NPAS3: variants seen among roughly 807,000 people sequenced by gnomAD.
The protein encoded by NPAS3 is neuronal PAS domain protein 3, also known as neuronal PAS domain-containing protein 3.
In NPAS3, 14 loss-of-function variants were observed where a neutral mutation model predicts 73.1. The ratio of observed to expected loss-of-function variants is 0.19; its 90% CI spans 0.13 to 0.30. The LOEUF is 0.30. Among genes scored for constraint, NPAS3 ranks in the 10% least tolerant of loss-of-function variants. The pLI, the probability that NPAS3 is intolerant of heterozygous loss-of-function variation, is 1.00. For synonymous variants in NPAS3, 620 were observed against 541.5 expected, an observed-to-expected ratio of 1.14 and a Z score of -2.01; for missense variants, 1,096 against 1,250.0, an observed-to-expected ratio of 0.88 and a Z score of 1.86.
chr14:33,404,460 G>C (rs1407775327), intron 4 of NPAS3, among the ~76,000 whole-genome samples: 1 of 151,910 alleles, frequency 6.6e-6, no homozygotes, highest in African/African-American at 2.4e-5. Context: ...TCTGTAATGG[G>C]TACTTCATTT....
At chr14:33,212,213 C>T (rs2047065747) in intron 2 of NPAS3, among the ~76,000 whole-genome samples, 1 of 152,180 alleles carries the variant, frequency 6.6e-6, no homozygotes, top group Non-Finnish European at 1.5e-5. Flanking sequence ...ATCTCAACAA[C>T]CTTTATAATC....
intron 4 of NPAS3, among the ~76,000 whole-genome samples, chr14:33,384,996 C>T (rs1057294562): frequency 3.9e-5 from 6 of 152,090 alleles, no homozygotes; most frequent in Non-Finnish European, 8.8e-5. Context: ...AGAAGGTTTT[C>T]GCTTTAGGAA....
At chr14:33,582,221 T>G (rs2139886023) in intron 5 of NPAS3, 1 of 152,362 alleles carries the variant, frequency 6.6e-6, no homozygotes, top group African/African-American at 2.4e-5. Flanking sequence ...TCTCATACCC[T>G]TAACGGAACT....
At chr14:33,043,234 CAAAAT>C (rs984215757) in intron 1 of NPAS3, among the ~76,000 whole-genome samples, 2 of 152,044 alleles carry the variant, frequency 1.3e-5, no homozygotes, top group Admixed American at 1.3e-4. Flanking sequence ...AGTCAAACCT[CAAAAT>C]AAAACATTGT....
At chr14:33,663,638 C>T (rs2059371611) in intron 5 of NPAS3, among the ~76,000 whole-genome samples, 1 of 152,000 alleles carries the variant, frequency 6.6e-6, no homozygotes, top group Non-Finnish European at 1.5e-5. Flanking sequence ...CCTCTTTGTA[C>T]CTCTGGTAGA....
intron 3 of NPAS3, among the ~76,000 whole-genome samples, chr14:33,366,022 A>T (rs549113026): frequency 6.6e-6 from 1 of 152,354 alleles, no homozygotes; most frequent in South Asian, 2.1e-4. Context: ...AAAAGCAGGA[A>T]GATATGGGGA....
intron 6 of NPAS3, among the ~76,000 whole-genome samples, chr14:33,695,968 A>C (rs559721614): frequency 6.6e-6 from 1 of 152,304 alleles, no homozygotes; most frequent in South Asian, 2.1e-4. Flanking sequence ...TATTGTTGAG[A>C]AATTGACTGT....
intron 1 of NPAS3, among the ~76,000 whole-genome samples, chr14:32,980,490 A>G (rs2037851741): frequency 6.6e-6 from 1 of 152,234 alleles, no homozygotes; most frequent in Non-Finnish European, 1.5e-5. Flanking sequence ...GTTTCATATT[A>G]ATCAAAATAA....
chr14:33,351,291 T>G (rs1334845763), intron 3 of NPAS3, among the ~76,000 whole-genome samples: 1 of 152,074 alleles, frequency 6.6e-6, no homozygotes, highest in Non-Finnish European at 1.5e-5. Flanking sequence ...GCTGCCCAGA[T>G]GGGGTCGACG....
intron 5 of NPAS3, among the ~76,000 whole-genome samples, chr14:33,636,947 G>A (rs1330183237): frequency 6.7e-6 from 1 of 148,196 alleles, no homozygotes; most frequent in Non-Finnish European, 1.5e-5. Context: ...CAGGTTTAAA[G>A]ATTAACAGAA....
At chr14:33,434,601 T>C (rs2139186837) in intron 4 of NPAS3, among the ~76,000 whole-genome samples, 1 of 152,234 alleles carries the variant, frequency 6.6e-6, no homozygotes, top group African/African-American at 2.4e-5. Context: ...GTCAAGTCAC[T>C]CCTCATTTGT....
chr14:33,340,352 G>A (rs778017503), intron 3 of NPAS3, among the ~76,000 whole-genome samples: 8 of 152,188 alleles, frequency 5.3e-5, no homozygotes, highest in East Asian at 1.9e-4. Flanking sequence ...AAAATTAGCC[G>A]GGTGTGGTGG....
At chr14:33,456,054 G>A (rs901669330) in intron 4 of NPAS3, among the ~76,000 whole-genome samples, 2 of 152,162 alleles carry the variant, frequency 1.3e-5, no homozygotes, top group African/African-American at 4.8e-5. Flanking sequence ...ATGTATTGAT[G>A]ATCCCATTTC....
At chr14:33,245,775 C>T (rs557758096) in intron 3 of NPAS3, among the ~76,000 whole-genome samples, 1 of 152,264 alleles carries the variant, frequency 6.6e-6, no homozygotes, top group Non-Finnish European at 1.5e-5. Context: ...GTCTGTCAAA[C>T]ATTTCCTGAC....
At position 33,385,774 on chromosome 14, in the gene NPAS3, A is replaced by G. The variant is rs2046750652; in HGVS notation, c.468+18506A>G. ...CTGGAGTTGCACATATGGGTCCTGC[A>G]TCTGCTCGGGTTATGTCACTAGTCA... On this transcript the variant is annotated intron_variant, in intron 4 of 11. Coordinates refer to ENST00000356141, the Ensembl canonical transcript of NPAS3. Among the ~76,000 whole-genome samples, 3 of 152,304 alleles carry G rather than the reference A, an allele frequency of 2.0e-5. No individual in the cohort carries two copies. The South Asian group carries it at 6.2e-4, about 32-fold the overall frequency.
At chr14:32,936,930 CTTT>C (rs35877969), upstream of NPAS3, among the ~76,000 whole-genome samples, 16 of 139,774 alleles carry the variant, frequency 1.1e-4, no homozygotes, top group African/African-American at 2.7e-4. Context: ...AAGACTAAGG[CTTT>C]TTTTTTTTTT....
chr14:33,674,604 G>A (rs920196776), intron 5 of NPAS3, among the ~76,000 whole-genome samples: 6 of 152,134 alleles, frequency 3.9e-5, no homozygotes, highest in African/African-American at 1.4e-4. Flanking sequence ...TGTGAATCCC[G>A]ATTTACGCTC....
chr14:32,974,550 AT>A (rs926925479), intron 1 of NPAS3, among the ~76,000 whole-genome samples: 9 of 151,408 alleles, frequency 5.9e-5, no homozygotes, highest in African/African-American at 1.9e-4. Context: ...AAGATTAGTT[AT>A]TTTTTTTTCA....
chr14:33,793,864 A>T, intron 9 of NPAS3, 33 bp from the exon 10 acceptor site: 1 of 1,595,450 alleles, frequency 6.3e-7, no homozygotes, highest in African/African-American at 1.3e-5. Flanking sequence ...CCCAGTCTTA[A>T]TACAATGCCT....
Sources: allele counts gnomAD v4.1 joint callset (sites outside exome capture counted in the v4.1 genomes callset), GRCh38; gene constraint gnomAD v4.1.1; transcripts MANE v1.5; gene names NCBI Gene and HGNC (gene_info 2026-07-23, HGNC 2026-07-21).